PTPRD: variants seen among roughly 807,000 people sequenced by gnomAD.
PTPRD encodes receptor-type tyrosine-protein phosphatase delta.
Under a neutral mutation model 214.5 loss-of-function variants are expected in PTPRD, and 34 were observed. That is an observed-to-expected ratio of 0.16 (90% CI 0.12 to 0.21). The LOEUF is 0.21. PTPRD is among the 10% of genes least tolerant of loss of function. PTPRD has a pLI of 1.00. For synonymous variants in PTPRD, 1,128 were observed against 845.7 expected (o/e 1.33, Z -5.79); for missense variants, 2,545 against 2,398.7 (o/e 1.06, Z -1.27).
chr9:9,083,204 A>G (rs923149776), intron 10 of PTPRD, among the ~76,000 whole-genome samples: 4 of 152,164 alleles, frequency 2.6e-5, no homozygotes, highest in Non-Finnish European at 4.4e-5. Flanking sequence ...CAAAACAGAT[A>G]TATAGAACAA....
At chr9:9,054,619 C>A (rs796922318) in intron 10 of PTPRD, among the ~76,000 whole-genome samples, 62 of 152,254 alleles carry the variant, frequency 4.1e-4, no homozygotes, top group African/African-American at 1.5e-3. Context: ...CCCTGTTACT[C>A]AAAAATCTCC....
chr9:9,628,649 T>C (rs989551030), intron 7 of PTPRD, among the ~76,000 whole-genome samples: 21 of 152,114 alleles, frequency 1.4e-4, no homozygotes, highest in Non-Finnish European at 2.8e-4. Context: ...TTTAGAAATA[T>C]TGAAAGAAAC....
intron 10 of PTPRD, among the ~76,000 whole-genome samples, chr9:9,052,182 G>A (rs1384305960): frequency 6.6e-6 from 1 of 152,126 alleles, no homozygotes; most frequent in African/African-American, 2.4e-5. Flanking sequence ...AGGGGCAAGG[G>A]AGCTCACTAG....
intron 7 of PTPRD, among the ~76,000 whole-genome samples, chr9:9,685,265 A>ATT (rs1446224434): frequency 7.8e-6 from 1 of 128,300 alleles, no homozygotes; most frequent in Non-Finnish European, 1.6e-5. Flanking sequence ...ATATATGCTT[A>ATT]TTATATATAT....
intron 3 of PTPRD, among the ~76,000 whole-genome samples, chr9:10,302,010 G>A (rs761191369): frequency 6.6e-6 from 1 of 152,132 alleles, no homozygotes; most frequent in Admixed American, 6.5e-5. Context: ...AATGTTAAGG[G>A]CAGCCAGAGG....
chr9:9,992,464 G>C (rs751803970), intron 4 of PTPRD, among the ~76,000 whole-genome samples: 5 of 152,088 alleles, frequency 3.3e-5, no homozygotes, highest in Non-Finnish European at 5.9e-5. Flanking sequence ...ATACTCAGAG[G>C]ATTATAAATC....
intron 10 of PTPRD, among the ~76,000 whole-genome samples, chr9:9,026,582 T>C (rs906444239): frequency 5.9e-5 from 9 of 151,986 alleles, no homozygotes; most frequent in Non-Finnish European, 1.3e-4. Flanking sequence ...GTTTTGTTGC[T>C]GCCTATAATA....
chr9:8,507,255 C>T lies in PTPRD; in HGVS notation c.1677+46G>A, dbSNP rs371811557. ...AAATACACAAAAATAAAAAAGTGGC[C>T]CCACGTAATGAATAATTCCCAAGGT... On this transcript the variant is annotated intron_variant, in intron 22 of 45. Coordinates refer to ENST00000381196, the MANE Select transcript of PTPRD (RefSeq NM_002839.4). 4 of 1,581,076 alleles carry T rather than the reference C, an allele frequency of 2.5e-6. No homozygotes were observed. The African/African-American group carries it at 5.5e-5, about 22-fold the overall frequency.
intron 10 of PTPRD, among the ~76,000 whole-genome samples, chr9:9,084,906 T>G (rs1471340782): frequency 6.6e-6 from 1 of 152,212 alleles, no homozygotes; most frequent in Admixed American, 6.5e-5. Flanking sequence ...CTTTCTCATA[T>G]GTATTTTTAA....
chr9:10,360,874 G>A (rs577935867), intron 2 of PTPRD, among the ~76,000 whole-genome samples: 360 of 152,196 alleles, frequency 2.4e-3, no homozygotes, highest in African/African-American at 7.9e-3. Flanking sequence ...AGGCCAAGAC[G>A]GGCAGATCGC....
chr9:9,697,610 T>A (rs1163980021), intron 7 of PTPRD, among the ~76,000 whole-genome samples: 1 of 152,146 alleles, frequency 6.6e-6, no homozygotes, highest in Non-Finnish European at 1.5e-5. Context: ...GCTTTTAGAA[T>A]TCTCCTTTTG....
At chr9:10,023,261 GACA>G (rs1399745317) in intron 4 of PTPRD, among the ~76,000 whole-genome samples, 6 of 152,022 alleles carry the variant, frequency 3.9e-5, no homozygotes, top group African/African-American at 1.4e-4. Context: ...TAAATTAACA[GACA>G]ACAATTTATC....
chr9:8,756,376 A>G lies in PTPRD; in HGVS notation c.-103-22430T>C, dbSNP rs564826740. Among the ~76,000 whole-genome samples, 71 of 152,344 alleles carry G rather than the reference A, an allele frequency of 4.7e-4. 1 individual carries two copies. The highest frequency in any genetic ancestry group is 1.7e-3 in the African/African-American group (70 of 41,584). On this transcript the variant is annotated intron_variant, in intron 11 of 45. Coordinates refer to ENST00000381196, the MANE Select transcript of PTPRD (RefSeq NM_002839.4). Reference sequence around the variant, plus strand: ...AAAGATTTTTTTTAAATATTGTTAAACATGCAAGATTTGTGTGAAAGTACA... The same window carrying G: ...AAAGATTTTTTTTAAATATTGTTAAGCATGCAAGATTTGTGTGAAAGTACA...
At chr9:10,071,903 T>G (rs1320378214) in intron 3 of PTPRD, among the ~76,000 whole-genome samples, 2 of 151,970 alleles carry the variant, frequency 1.3e-5, no homozygotes, top group Non-Finnish European at 2.9e-5. Context: ...GCTTCAATTT[T>G]TTTCGTTTTT....
At chr9:10,259,756 G>T (rs1378670880) in intron 3 of PTPRD, among the ~76,000 whole-genome samples, 1 of 152,198 alleles carries the variant, frequency 6.6e-6, no homozygotes, top group Non-Finnish European at 1.5e-5. Context: ...AGCTTTTGTA[G>T]CATAGGCCCT....
chr9:10,395,954 T>TGA (rs368100918), intron 2 of PTPRD, among the ~76,000 whole-genome samples: 8,637 of 134,300 alleles, frequency 0.064, 383 homozygotes, highest in African/African-American at 0.12. Context: ...ATAGAGAGAA[T>TGA]GAGAGAGAGA....
At chr9:10,292,518 G>A (rs1315426909) in intron 3 of PTPRD, among the ~76,000 whole-genome samples, 1 of 151,972 alleles carries the variant, frequency 6.6e-6, no homozygotes, top group Non-Finnish European at 1.5e-5. Context: ...ATATCAGAGT[G>A]AAGAAGACAC....
intron 10 of PTPRD, among the ~76,000 whole-genome samples, chr9:9,061,429 A>C (rs2099707150): frequency 6.6e-6 from 1 of 152,166 alleles, no homozygotes; most frequent in South Asian, 2.1e-4. Flanking sequence ...GGTAATGAAG[A>C]CTCGGTAAAA....
chr9:10,185,174 C>G (rs2099323942), intron 3 of PTPRD, among the ~76,000 whole-genome samples: 1 of 152,088 alleles, frequency 6.6e-6, no homozygotes, highest in South Asian at 2.1e-4. Context: ...ATTTGAAACT[C>G]TTTTCTATAT....
Sources: gnomAD v4.1 joint callset for allele counts (sites outside exome capture counted in the v4.1 genomes callset) on GRCh38, gnomAD v4.1.1 for gene constraint, MANE v1.5 for transcripts, NCBI Gene and HGNC (gene_info 2026-07-23, HGNC 2026-07-21) for gene names.